The following DOCK3 variants were observed in gnomAD, a reference collection of about 807,000 sequenced individuals.
DOCK3 encodes dedicator of cytokinesis protein 3.
In DOCK3, 60 loss-of-function variants were observed where a neutral mutation model predicts 265.6. The ratio of observed to expected loss-of-function variants is 0.23; its 90% confidence interval spans 0.18 to 0.28. The LOEUF (loss-of-function observed/expected upper bound fraction) is 0.28. Among genes scored for constraint, DOCK3 ranks in the 10% least tolerant of loss-of-function variants. The pLI is 1.00. For synonymous variants in DOCK3, 881 were observed against 938.0 expected, an observed-to-expected ratio of 0.94 and a Z score of 1.11; for missense variants, 1,981 against 2,594.3, an observed-to-expected ratio of 0.76 and a Z score of 5.14.
At chr3:51,368,595 G>A (rs2087435306) in intron 49 of DOCK3, among the ~76,000 whole-genome samples, 1 of 152,246 alleles carries the variant, frequency 6.6e-6, no homozygotes, top group African/African-American at 2.4e-5. Context: ...GCTCAAGGAG[G>A]GCTGCCTGCC....
chr3:50,833,617 A>G (rs1194706416), intron 2 of DOCK3, among the ~76,000 whole-genome samples: 1 of 152,128 alleles, frequency 6.6e-6, no homozygotes, highest in Admixed American at 6.6e-5. Flanking sequence ...AGGAATTGAC[A>G]TTCTTTACCT....
intron 9 of DOCK3, among the ~76,000 whole-genome samples, chr3:51,091,060 A>G (rs572562199): frequency 1.3e-5 from 2 of 152,324 alleles, no homozygotes; most frequent in South Asian, 2.1e-4. Flanking sequence ...TTAATACACT[A>G]TGCTTTACTT....
chr3:50,691,289 A>G (rs1454639121), intron 1 of DOCK3, among the ~76,000 whole-genome samples: 2 of 151,880 alleles, frequency 1.3e-5, no homozygotes, highest in African/African-American at 4.8e-5. Flanking sequence ...GTCTCAAAAA[A>G]AAAAAAAAAA....
intron 2 of DOCK3, among the ~76,000 whole-genome samples, chr3:50,816,597 A>G (rs2044094053): frequency 1.3e-5 from 2 of 152,046 alleles, no homozygotes. Context: ...CTGGGATTAC[A>G]GGTGTGAGCC....
intron 1 of DOCK3, among the ~76,000 whole-genome samples, chr3:50,677,685 G>T (rs553828193): frequency 6.6e-6 from 1 of 152,350 alleles, no homozygotes; most frequent in East Asian, 1.9e-4. Context: ...TGATGTTAGT[G>T]AGGGAAGGAG....
At chr3:51,026,550 A>G (rs957755638) in intron 5 of DOCK3, among the ~76,000 whole-genome samples, 11 of 151,772 alleles carry the variant, frequency 7.2e-5, no homozygotes, top group African/African-American at 2.7e-4. Flanking sequence ...TAGTTTCAGT[A>G]TGATTGGTAC....
intron 7 of DOCK3, among the ~76,000 whole-genome samples, chr3:51,081,100 A>G (rs1018433321): frequency 2.0e-5 from 3 of 152,156 alleles, no homozygotes; most frequent in African/African-American, 7.2e-5. Context: ...ATGCACATGG[A>G]TATTTAGTAA....
At chr3:51,022,323 A>G (rs1485364805) in intron 5 of DOCK3, among the ~76,000 whole-genome samples, 1 of 152,136 alleles carries the variant, frequency 6.6e-6, no homozygotes, top group East Asian at 1.9e-4. Context: ...TTTCCACTTT[A>G]TCTTAGATTT....
At chr3:51,281,544 T>A (rs2081118000) in intron 27 of DOCK3, among the ~76,000 whole-genome samples, 1 of 152,158 alleles carries the variant, frequency 6.6e-6, no homozygotes, top group Non-Finnish European at 1.5e-5. Context: ...TCTTCCAGCT[T>A]GCCTTATGGT....
intron 4 of DOCK3, among the ~76,000 whole-genome samples, chr3:50,891,716 G>A (rs1268562536): frequency 2.0e-5 from 3 of 152,088 alleles, no homozygotes; most frequent in African/African-American, 7.2e-5. Context: ...GTGGGCAGAA[G>A]CTGTGAGGGA....
At chr3:50,901,871 A>C (rs993271605) in intron 4 of DOCK3, among the ~76,000 whole-genome samples, 1 of 152,102 alleles carries the variant, frequency 6.6e-6, no homozygotes, top group African/African-American at 2.4e-5. Flanking sequence ...CACCCACCTT[A>C]TGCATTGATG....
intron 22 of DOCK3, among the ~76,000 whole-genome samples, chr3:51,249,611 C>T (rs2079077623): frequency 8.8e-6 from 1 of 114,142 alleles, no homozygotes; most frequent in Non-Finnish European, 1.9e-5. Context: ...GGGGGGTCAG[C>T]CCCCCGCCCG....
intron 21 of DOCK3, among the ~76,000 whole-genome samples, chr3:51,241,469 C>G (rs1302638683): frequency 6.6e-6 from 1 of 152,164 alleles, no homozygotes; most frequent in Non-Finnish European, 1.5e-5. Context: ...GTTGCCCTTT[C>G]TAGCTAGGTT....
chr3:50,717,730 C>T (rs968155450), intron 1 of DOCK3, among the ~76,000 whole-genome samples: 8 of 152,150 alleles, frequency 5.3e-5, no homozygotes, highest in Non-Finnish European at 8.8e-5. Context: ...TCAAGTGATC[C>T]TCCTTCCTCA....
chr3:51,342,291 A>G (rs972275730), intron 38 of DOCK3, among the ~76,000 whole-genome samples: 2 of 152,242 alleles, frequency 1.3e-5, no homozygotes. Context: ...ATTTCCCCAT[A>G]CAGAGAATGC....
At chr3:51,147,407 A>G (rs1399472620) in intron 10 of DOCK3, among the ~76,000 whole-genome samples, 2 of 152,198 alleles carry the variant, frequency 1.3e-5, no homozygotes, top group Admixed American at 6.5e-5. Flanking sequence ...TTTGTTACAT[A>G]GGTATACATG....
chr3:50,696,373 A>G (rs1429900121), intron 1 of DOCK3, among the ~76,000 whole-genome samples: 1 of 152,232 alleles, frequency 6.6e-6, no homozygotes, highest in Admixed American at 6.5e-5. Flanking sequence ...CAGAACAGTA[A>G]GGAGATAAGA....
chr3:51,256,587 GTTTTTGTTTT>G (rs2079560328), intron 22 of DOCK3, among the ~76,000 whole-genome samples: 1 of 135,590 alleles, frequency 7.4e-6, no homozygotes, highest in African/African-American at 2.8e-5. Flanking sequence ...TTGAGTTTTC[GTTTTTGTTTT>G]TTTTTTTTTT....
chr3:51,204,246 A>C (rs1413602618), intron 12 of DOCK3, among the ~76,000 whole-genome samples: 4 of 148,934 alleles, frequency 2.7e-5, no homozygotes, highest in Non-Finnish European at 6.0e-5. Context: ...AAATGGGAGA[A>C]AATTTTCACA....
Sources: gnomAD v4.1 joint callset for allele counts (sites outside exome capture counted in the v4.1 genomes callset) on GRCh38, gnomAD v4.1.1 for gene constraint, MANE v1.5 for transcripts, NCBI Gene and HGNC (gene_info 2026-07-23, HGNC 2026-07-21) for gene names.